The following TANC2 variants were observed in gnomAD, a reference collection of about 807,000 sequenced individuals.
TANC2 encodes the protein tetratricopeptide repeat, ankyrin repeat and coiled-coil containing 2, also known as protein TANC2.
In TANC2, 26 loss-of-function variants were observed where a neutral mutation model predicts 210.5. The ratio of observed to expected loss-of-function variants is 0.12; its 90% CI spans 0.09 to 0.17. The LOEUF (loss-of-function observed/expected upper bound fraction) is 0.17. Ranked by LOEUF, TANC2 falls within the 10% of genes least tolerant of loss-of-function variation. TANC2 has a pLI of 1.00. For missense variants in TANC2, 2,129 were observed against 2,608.9 expected, an observed-to-expected ratio of 0.82 and a Z score of 4.01; for synonymous variants, 931 against 967.1, an observed-to-expected ratio of 0.96 and a Z score of 0.69.
intron 25 of TANC2, chr17:63,414,417 A>G (rs2048797724): frequency 6.6e-6 from 1 of 152,210 alleles, no homozygotes; most frequent in South Asian, 2.1e-4. Flanking sequence ...CCTTTGAATG[A>G]GTCACGGTAA....
intron 14 of TANC2, among the ~76,000 whole-genome samples, chr17:63,358,376 A>AGAGTGTGT (rs1470682571): frequency 1.0e-3 from 85 of 81,038 alleles, no homozygotes; most frequent in African/African-American, 3.0e-3. Flanking sequence ...AGAGAGAGAG[A>AGAGTGTGT]GTATGTGTGT....
At chr17:63,188,443 A>T (rs1393000150) in intron 5 of TANC2, among the ~76,000 whole-genome samples, 1 of 151,998 alleles carries the variant, frequency 6.6e-6, no homozygotes, top group African/African-American at 2.4e-5. Context: ...AATACAAAAA[A>T]TTAGCTGGGC....
intron 14 of TANC2, among the ~76,000 whole-genome samples, chr17:63,363,984 G>A (rs549409204): frequency 2.0e-4 from 31 of 152,266 alleles, no homozygotes; most frequent in Admixed American, 6.5e-4. Context: ...TAGTTTAGTT[G>A]TGTGATTTCC....
intron 4 of TANC2, among the ~76,000 whole-genome samples, chr17:63,107,775 G>A (rs2037883351): frequency 6.6e-6 from 1 of 151,616 alleles, no homozygotes; most frequent in South Asian, 2.1e-4. Flanking sequence ...GTAATCTATA[G>A]AGACAGAATG....
chr17:63,199,207 T>C (rs1374236586), intron 6 of TANC2, among the ~76,000 whole-genome samples: 1 of 152,194 alleles, frequency 6.6e-6, no homozygotes, highest in Non-Finnish European at 1.5e-5. Flanking sequence ...AGAGTATGAA[T>C]AGAGACTCTA....
intron 4 of TANC2, among the ~76,000 whole-genome samples, chr17:63,127,259 G>A (rs1008685237): frequency 1.3e-5 from 2 of 152,078 alleles, no homozygotes; most frequent in African/African-American, 4.8e-5. Flanking sequence ...TTAATGTCTA[G>A]TCTAGTTTAT....
At chr17:63,218,851 G>A (rs2042093017) in intron 7 of TANC2, among the ~76,000 whole-genome samples, 1 of 151,924 alleles carries the variant, frequency 6.6e-6, no homozygotes, top group African/African-American at 2.4e-5. Context: ...CTGAGATCAC[G>A]CCACTTCACT....
intron 4 of TANC2, among the ~76,000 whole-genome samples, chr17:63,113,621 C>A (rs1229397764): frequency 1.3e-5 from 2 of 152,204 alleles, no homozygotes; most frequent in Non-Finnish European, 1.5e-5. Context: ...GATCTTCCCA[C>A]CTCAGCCTCC....
At chr17:63,192,651 T>C (rs2041223751) in intron 5 of TANC2, among the ~76,000 whole-genome samples, 1 of 152,200 alleles carries the variant, frequency 6.6e-6, no homozygotes, top group African/African-American at 2.4e-5. Context: ...TTTTATTACT[T>C]TGAGCAAATA....
chr17:63,158,357 T>C (rs1467673891), intron 5 of TANC2, among the ~76,000 whole-genome samples: 1 of 152,190 alleles, frequency 6.6e-6, no homozygotes, highest in African/African-American at 2.4e-5. Flanking sequence ...AACATATTTC[T>C]CACATGTATA....
chr17:63,205,180 A>G lies in TANC2; in HGVS notation c.769+4223A>G, dbSNP rs1424749688. Among the ~76,000 whole-genome samples the G allele has an allele frequency of 3.3e-5, 5 of 152,240 alleles. No homozygotes were observed. In the South Asian group the frequency reaches 6.2e-4, roughly 19 times the overall value. On this transcript the variant is annotated intron_variant, in intron 7 of 27. Transcript: ENST00000689528. ...GACAAGCGTCCTAAGACCATGTGGC[A>G]TGGACAGTCTTTTCAACAATTAGCG... is the stretch of plus-strand genomic sequence containing the variant.
intron 9 of TANC2, among the ~76,000 whole-genome samples, chr17:63,299,863 T>C (rs935155955): frequency 6.6e-6 from 1 of 152,330 alleles, no homozygotes; most frequent in African/African-American, 2.4e-5. Flanking sequence ...TGCCCATGCC[T>C]ATGTCCTGAA....
chr17:63,287,595 G>A (rs943319370), intron 9 of TANC2, among the ~76,000 whole-genome samples: 2 of 152,076 alleles, frequency 1.3e-5, no homozygotes, highest in Non-Finnish European at 2.9e-5. Context: ...CATTTGTTAA[G>A]CAGGACCACA....
chr17:63,388,552 A>G (rs369796367), intron 15 of TANC2, 83 bp from the exon 16 acceptor site: 12 of 1,440,726 alleles, frequency 8.3e-6, no homozygotes, highest in Middle Eastern at 1.8e-4. Flanking sequence ...ATTAGTACCA[A>G]AAACAAAGAG....
rs115109117 is a variant in TANC2 at position 63,362,901 on chromosome 17, C to T, written c.2582+7511C>T. 4.1e-3 allele frequency among the ~76,000 whole-genome samples: 629 copies of T among 152,246 alleles called. 5 individuals are homozygous for T. The highest frequency in any genetic ancestry group is 0.014 in the African/African-American group (592 of 41,542). On this transcript the variant is annotated intron_variant, in intron 14 of 27. Transcript: ENST00000689528. ...AGGGGGCAGGGCTCCCGTCTGTTTA[C>T]AGCTCACCCTAGACTCTATTTATAG... is the stretch of plus-strand genomic sequence containing the variant.
At chr17:63,036,203 C>CTT (rs1268621299) in intron 2 of TANC2, among the ~76,000 whole-genome samples, 1 of 150,004 alleles carries the variant, frequency 6.7e-6, no homozygotes, top group African/African-American at 2.5e-5. Context: ...TTTAAAAACT[C>CTT]TTTGGCTAAT....
At chr17:63,215,213 G>T (rs770180665) in intron 7 of TANC2, among the ~76,000 whole-genome samples, 4 of 152,190 alleles carry the variant, frequency 2.6e-5, no homozygotes, top group Admixed American at 2.6e-4. Flanking sequence ...TCCATAATCA[G>T]ATTTCAGCAT....
intron 9 of TANC2, among the ~76,000 whole-genome samples, chr17:63,304,194 C>G (rs1424344753): frequency 6.6e-6 from 1 of 152,044 alleles, no homozygotes; most frequent in East Asian, 1.9e-4. Context: ...CAGCATTTAT[C>G]ATTGATTCTT....
rs61546119 is a variant in TANC2 at position 63,328,376 on chromosome 17, A to ATGTGTG, written c.1575+9312_1575+9317dup. ...TAAAACATGGTATGTGTATGTGTATATGTGTGTGTGTGTGTGTGTGTGTGT... is the reference window on the plus strand; with the variant it reads ...TAAAACATGGTATGTGTATGTGTATATGTGTGTGTGTGTGTGTGTGTGTGTGTGTGT... On this transcript the variant is annotated intron_variant, in intron 11 of 27. Coordinates refer to ENST00000689528, the Ensembl canonical transcript of TANC2. Among the ~76,000 whole-genome samples, 788 of 147,128 alleles carry ATGTGTG rather than the reference A, an allele frequency of 5.4e-3. 6 individuals are homozygous for ATGTGTG. Among genetic ancestry groups the ATGTGTG allele is most frequent in the African/African-American group, 0.018 (707 of 40,342 alleles).
Sources: gnomAD v4.1 joint callset for allele counts (sites outside exome capture counted in the v4.1 genomes callset) on GRCh38, gnomAD v4.1.1 for gene constraint, MANE v1.5 for transcripts, NCBI Gene and HGNC (gene_info 2026-07-23, HGNC 2026-07-21) for gene names.